The following SGCD variants were observed in gnomAD, a reference collection of about 807,000 sequenced individuals.
SGCD encodes sarcoglycan delta, also known as delta-sarcoglycan.
A neutral mutation model predicts 36.6 loss-of-function variants in SGCD; 18 were observed. The ratio of observed to expected loss-of-function variants is 0.49; its 90% CI spans 0.34 to 0.73. The LOEUF is 0.73. Ranked by LOEUF, SGCD falls within the 30% of genes least tolerant of loss-of-function variation. The pLI, the probability that SGCD is intolerant of heterozygous loss-of-function variation, is 0.01. For missense variants in SGCD, 387 were observed against 346.7 expected (o/e 1.12, Z -0.92); for synonymous variants, 133 against 130.6 (o/e 1.02, Z -0.12).
intron 4 of SGCD, among the ~76,000 whole-genome samples, chr5:156,544,604 T>A (rs1406480993): frequency 2.0e-5 from 3 of 150,962 alleles, no homozygotes; most frequent in Non-Finnish European, 2.9e-5. Context: ...AGGGTTTTTT[T>A]AGAAGGCCAA....
intron 3 of SGCD, among the ~76,000 whole-genome samples, chr5:156,284,554 A>T (rs900435831): frequency 6.6e-6 from 1 of 152,224 alleles, no homozygotes; most frequent in Admixed American, 6.5e-5. Flanking sequence ...GCATATAAAC[A>T]GAACCAACGA....
At chr5:156,298,576 CTTTTTTTTT>C (rs924228753) in intron 3 of SGCD, among the ~76,000 whole-genome samples, 1 of 110,520 alleles carries the variant, frequency 9.0e-6, no homozygotes, top group Admixed American at 9.8e-5. Context: ...TTTTTCTTTT[CTTTTTTTTT>C]TTTTTTTTTT....
intron 3 of SGCD, among the ~76,000 whole-genome samples, chr5:156,440,003 A>G (rs1753413973): frequency 6.6e-6 from 1 of 152,134 alleles, no homozygotes; most frequent in Admixed American, 6.6e-5. Flanking sequence ...ACATAAAAAT[A>G]ACCACTTTAA....
At chr5:156,568,336 G>A (rs776149558) in intron 4 of SGCD, among the ~76,000 whole-genome samples, 2 of 152,136 alleles carry the variant, frequency 1.3e-5, no homozygotes, top group Non-Finnish European at 1.5e-5. Context: ...AGCCAATATC[G>A]TGCCACTGCA....
intron 3 of SGCD, among the ~76,000 whole-genome samples, chr5:156,427,785 TTGAGA>T (rs1773740574): frequency 6.6e-6 from 1 of 152,224 alleles, no homozygotes; most frequent in South Asian, 2.1e-4. Flanking sequence ...TCTGCATCTG[TTGAGA>T]TGATCATATG....
the SGCD span, among the ~76,000 whole-genome samples, chr5:155,731,004 G>A: frequency 6.6e-6 from 1 of 152,178 alleles, no homozygotes; most frequent in African/African-American, 2.4e-5. Context: ...GTTTGAAAGG[G>A]AGCCAGGAGC....
intron 1 of SGCD, among the ~76,000 whole-genome samples, chr5:156,116,189 G>A (rs191261831): frequency 6.6e-6 from 1 of 151,980 alleles, no homozygotes; most frequent in African/African-American, 2.4e-5. Context: ...TAATGATCTG[G>A]TTCTCCAAAG....
chr5:156,379,896 A>T (rs1461239879), intron 3 of SGCD, among the ~76,000 whole-genome samples: 2 of 152,218 alleles, frequency 1.3e-5, no homozygotes, highest in Non-Finnish European at 2.9e-5. Flanking sequence ...TCTCTTAGGA[A>T]AAAAGAAAAA....
Position 156,197,203 on chromosome 5 carries a change from G to A in SGCD, c.-44+73184G>A, listed in dbSNP as rs367773912. Among the ~76,000 whole-genome samples, 17 of 152,278 alleles carry A rather than the reference G, an allele frequency of 1.1e-4. No homozygotes were observed. In the East Asian group the frequency reaches 1.9e-3, roughly 17 times the overall value. On this transcript the variant is annotated intron_variant, in intron 3 of 9. Transcript: ENST00000517913. ...ATAAAAGTGCCATGGAGGGGTCAAA[G>A]AGTATAGAACCCTTTTTTTAGCCTT...
chr5:156,594,677 T>G (rs1561802160), intron 5 of SGCD, among the ~76,000 whole-genome samples: 1 of 152,192 alleles, frequency 6.6e-6, no homozygotes, highest in Non-Finnish European at 1.5e-5. Context: ...GAGGAAGGGC[T>G]TGCTGGTCTT....
intron 3 of SGCD, among the ~76,000 whole-genome samples, chr5:156,217,093 T>A (rs1764595796): frequency 6.6e-6 from 1 of 151,702 alleles, no homozygotes; most frequent in Non-Finnish European, 1.5e-5. Context: ...AAAAAAATAA[T>A]AAAATAAAAA....
chr5:156,239,315 G>C (rs1448761657), intron 3 of SGCD, among the ~76,000 whole-genome samples: 2 of 148,760 alleles, frequency 1.3e-5, no homozygotes, highest in Admixed American at 6.8e-5. Flanking sequence ...CAGGAGAATC[G>C]CTTGAACCCG....
chr5:156,498,399 C>T (rs1756296575), intron 3 of SGCD, among the ~76,000 whole-genome samples: 1 of 151,956 alleles, frequency 6.6e-6, no homozygotes, highest in Admixed American at 6.6e-5. Context: ...TAGAGTATTT[C>T]TGTCACCTCA....
chr5:155,872,231 G>C (rs1755668815), intron 1 of SGCD, among the ~76,000 whole-genome samples: 1 of 152,070 alleles, frequency 6.6e-6, no homozygotes, highest in Non-Finnish European at 1.5e-5. Flanking sequence ...TCCATACAAA[G>C]AGAATAAGAA....
At chr5:156,439,363 C>T (rs945451614) in intron 3 of SGCD, among the ~76,000 whole-genome samples, 2 of 152,118 alleles carry the variant, frequency 1.3e-5, no homozygotes, top group African/African-American at 4.8e-5. Context: ...GGATGGCAAA[C>T]AAATATTATT....
the SGCD span, among the ~76,000 whole-genome samples, chr5:155,841,936 C>A: frequency 9.9e-5 from 15 of 152,132 alleles, no homozygotes; most frequent in Admixed American, 5.9e-4. Context: ...GGTCATGGCC[C>A]AACTAGATCA....
At chr5:155,906,069 T>C (rs1281084636) in intron 1 of SGCD, among the ~76,000 whole-genome samples, 1 of 152,216 alleles carries the variant, frequency 6.6e-6, no homozygotes, top group Non-Finnish European at 1.5e-5. Context: ...ATTTTGGTAA[T>C]TGTCACTATC....
At chr5:156,692,139 A>C (rs947102016) in intron 7 of SGCD, among the ~76,000 whole-genome samples, 1 of 152,236 alleles carries the variant, frequency 6.6e-6, no homozygotes, top group Admixed American at 6.5e-5. Flanking sequence ...CAGTATTTAC[A>C]ATCCTAAGCA....
intron 3 of SGCD, among the ~76,000 whole-genome samples, chr5:156,285,895 A>G (rs549887878): frequency 2.0e-5 from 3 of 152,268 alleles, no homozygotes; most frequent in Admixed American, 6.5e-5. Context: ...GCAACCTACA[A>G]AATGGGAGAA....
Sources: allele counts gnomAD v4.1 joint callset (sites outside exome capture counted in the v4.1 genomes callset), GRCh38; gene constraint gnomAD v4.1.1; transcripts MANE v1.5; gene names NCBI Gene and HGNC (gene_info 2026-07-23, HGNC 2026-07-21).